DMD: variants seen among roughly 807,000 people sequenced by gnomAD.
The protein encoded by DMD is mutant dystrophin.
A neutral mutation model predicts 330.1 loss-of-function variants in DMD; 63 were observed. The ratio of observed to expected loss-of-function variants is 0.19; its 90% confidence interval spans 0.16 to 0.24. DMD has a LOEUF of 0.24. Among genes scored for constraint, DMD ranks in the 10% least tolerant of loss-of-function variants. The probability of loss-of-function intolerance (pLI) is 1.00; values close to 1 mark genes in which losing one functional copy is unlikely to be tolerated. For missense variants in DMD, 3,344 were observed against 2,684.1 expected (o/e 1.25, Z -5.43); for synonymous variants, 1,223 against 959.8 (o/e 1.27, Z -5.07).
At chrX:32,872,285 CTT>C (rs2083060479) in intron 2 of DMD, among the ~76,000 whole-genome samples, 1 of 111,942 alleles carries the variant, frequency 8.9e-6, no homozygotes, top group Non-Finnish European at 1.9e-5. Flanking sequence ...GCTGCAATGA[CTT>C]TGATCAATTT....
chrX:32,858,464 G>T (rs1331327652), intron 2 of DMD, among the ~76,000 whole-genome samples: 1 of 111,459 alleles, frequency 9.0e-6, no homozygotes, highest in Non-Finnish European at 1.9e-5. Context: ...CAAGTAGCTG[G>T]GACTACAGGC....
intron 67 of DMD, among the ~76,000 whole-genome samples, chrX:31,190,096 C>T (rs985080720): frequency 4.5e-5 from 5 of 111,774 alleles, no homozygotes; most frequent in African/African-American, 3.3e-5. Flanking sequence ...GGTTCTCAAC[C>T]GGAAATGATG....
intron 26 of DMD, among the ~76,000 whole-genome samples, chrX:32,450,563 G>T (rs1441540831): frequency 9.1e-6 from 1 of 110,247 alleles, no homozygotes; most frequent in Admixed American, 9.6e-5. Context: ...TGTCATAAGT[G>T]CTACCTCATT....
At chrX:32,967,871 C>T (rs1395685742) in intron 2 of DMD, among the ~76,000 whole-genome samples, 1 of 111,963 alleles carries the variant, frequency 8.9e-6, no homozygotes, top group African/African-American at 3.2e-5. Flanking sequence ...TTCTTCAAGA[C>T]AGTGCCATGT....
At chrX:32,079,622 A>C (rs1414258837) in intron 44 of DMD, among the ~76,000 whole-genome samples, 1 of 111,032 alleles carries the variant, frequency 9.0e-6, no homozygotes, top group East Asian at 2.8e-4. Flanking sequence ...GAAAAGAAAG[A>C]AAAAGAAAAA....
chrX:31,902,356 C>T (rs2094432894), intron 47 of DMD, among the ~76,000 whole-genome samples: 1 of 111,700 alleles, frequency 9.0e-6, no homozygotes, highest in Non-Finnish European at 1.9e-5. Flanking sequence ...TGTCACCTAG[C>T]AACGTGCTGA....
chrX:31,688,519 C>T (rs1409802346), intron 52 of DMD, among the ~76,000 whole-genome samples: 2 of 111,735 alleles, frequency 1.8e-5, no homozygotes, highest in Non-Finnish European at 3.8e-5. Context: ...GACGGATTCA[C>T]AGCCGAATTC....
At chrX:31,156,486 T>A (rs1374837267) in intron 74 of DMD, among the ~76,000 whole-genome samples, 1 of 111,831 alleles carries the variant, frequency 8.9e-6, no homozygotes, top group Non-Finnish European at 1.9e-5. Flanking sequence ...AGGAGAGAAT[T>A]AGAACAAGGC....
At chrX:33,233,427 T>G (rs1569558966) in intron 1 of DMD, among the ~76,000 whole-genome samples, 2 of 111,949 alleles carry the variant, frequency 1.8e-5, no homozygotes, top group Non-Finnish European at 3.8e-5. Context: ...CTGTAGGATG[T>G]CCACAACCAT....
intron 60 of DMD, among the ~76,000 whole-genome samples, chrX:31,396,037 C>T (rs141065033): frequency 1.6e-3 from 181 of 112,023 alleles, no homozygotes; most frequent in African/African-American, 5.7e-3. Flanking sequence ...TGGCAGTGAA[C>T]CTTGTAGCTG....
chrX:32,195,660 A>ATC (rs1317144891), intron 44 of DMD, among the ~76,000 whole-genome samples: 1 of 112,726 alleles, frequency 8.9e-6, no homozygotes, highest in African/African-American at 3.2e-5. Context: ...TTTCAATTAG[A>ATC]AAGCAGTCTT....
chrX:32,717,534 C>T (rs149481521), intron 7 of DMD, among the ~76,000 whole-genome samples: 1,152 of 111,665 alleles, frequency 0.01, 17 homozygotes, highest in African/African-American at 0.034. Flanking sequence ...TCTGCTGCAG[C>T]GGGGGAGCCT....
At chrX:32,155,973 AAC>A (rs60347530) in intron 44 of DMD, among the ~76,000 whole-genome samples, 6,283 of 95,591 alleles carry the variant, frequency 0.066, 244 homozygotes, top group African/African-American at 0.13. Flanking sequence ...TTTGTCATTC[AAC>A]ACACACACAC....
intron 61 of DMD, among the ~76,000 whole-genome samples, chrX:31,334,063 G>A (rs1310557775): frequency 9.0e-6 from 1 of 111,299 alleles, no homozygotes; most frequent in Non-Finnish European, 1.9e-5. Context: ...CTCCCAAGTA[G>A]CTGGGATTAC....
chrX:32,292,452 C>T (rs1288670912), intron 42 of DMD, among the ~76,000 whole-genome samples: 2 of 107,673 alleles, frequency 1.9e-5, no homozygotes, highest in East Asian at 2.9e-4. Flanking sequence ...GGACTATAGG[C>T]GCCCACCACC....
At chrX:32,863,334 T>A (rs775666327) in intron 2 of DMD, among the ~76,000 whole-genome samples, 90 of 108,412 alleles carry the variant, frequency 8.3e-4, no homozygotes, top group Admixed American at 1.7e-3. Flanking sequence ...CTGGCCAACG[T>A]GGCGAAACTC....
intron 7 of DMD, among the ~76,000 whole-genome samples, chrX:32,725,864 C>T (rs751337467): frequency 1.3e-3 from 145 of 110,827 alleles, no homozygotes; most frequent in Non-Finnish European, 2.5e-3. Context: ...AGGATAAATG[C>T]TTGAGTGGAT....
At chrX:31,727,965 A>G (rs1466401934) in intron 52 of DMD, among the ~76,000 whole-genome samples, 1 of 112,736 alleles carries the variant, frequency 8.9e-6, no homozygotes, top group African/African-American at 3.2e-5. Context: ...TGGTAAACAT[A>G]CTAGAAAGAG....
chrX:32,639,689 G>A (rs2059325545), intron 11 of DMD, among the ~76,000 whole-genome samples: 1 of 111,874 alleles, frequency 8.9e-6, no homozygotes, highest in Non-Finnish European at 1.9e-5. Flanking sequence ...TGGTTATGAA[G>A]GAGAAAGAAA....
Sources: gnomAD v4.1 joint callset for allele counts (sites outside exome capture counted in the v4.1 genomes callset) on GRCh38, gnomAD v4.1.1 for gene constraint, MANE v1.5 for transcripts, NCBI Gene and HGNC (gene_info 2026-07-23, HGNC 2026-07-21) for gene names.